The following SSRP1 variants were observed in gnomAD, a reference collection of about 807,000 sequenced individuals.
The protein encoded by SSRP1 is FACT complex subunit SSRP1.
SSRP1 carries 21 observed loss-of-function variants against 84.4 expected under a neutral mutation model. The observed-to-expected ratio is 0.25, with a 90% CI of 0.18 to 0.36. SSRP1 has a LOEUF of 0.36. SSRP1 is among the 10% of genes least tolerant of loss of function. The probability of loss-of-function intolerance (pLI) is 1.00; values close to 1 mark genes in which losing one functional copy is unlikely to be tolerated. For synonymous variants in SSRP1, 319 were observed against 318.3 expected, an observed-to-expected ratio of 1.00 and a Z score of -0.02; for missense variants, 519 against 900.8, an observed-to-expected ratio of 0.58 and a Z score of 5.43.
At chr11:57,328,510 G>C (rs1443016523) in intron 12 of SSRP1, 84 bp from the exon 13 acceptor site, 1 of 1,564,616 alleles carries the variant, frequency 6.4e-7, no homozygotes, top group Non-Finnish European at 8.6e-7. Context: ...CAAATCCAAA[G>C]ATACCCACCC....
chr11:57,328,193 A>C, intron 13 of SSRP1, 104 bp downstream of exon 13: 1 of 1,509,958 alleles, frequency 6.6e-7, no homozygotes, highest in Non-Finnish European at 8.9e-7. Flanking sequence ...AGCCCCAAGG[A>C]AGAACAGGTC....
chr11:57,327,754 C>T lies in SSRP1; in HGVS notation c.1740G>A (p.Lys580=). The change falls in exon 14 of 17, where the codon AAG becomes AAA. Residue 580 remains lysine, a synonymous_variant. Transcript: ENST00000278412. ...ACATTCCCTTCCAGATCTCGCCTGC[C>T]TTCTTGGAAAGATCCGTGATGCTGA... The part of the protein sequence containing the change: ...PGISITDLSK[K]AGEIWKGMSK... The T allele has an allele frequency of 3.7e-6, 6 of 1,614,166 alleles. No individual in the cohort carries two copies. Among genetic ancestry groups the T allele is most frequent in the Non-Finnish European group, 5.1e-6 (6 of 1,180,040 alleles).
intron 13 of SSRP1, among the ~76,000 whole-genome samples, 160 bp downstream of exon 13, chr11:57,328,137 T>G (rs1314762737): frequency 6.6e-6 from 1 of 152,122 alleles, no homozygotes. Flanking sequence ...GAGAAAAATT[T>G]CCAAGAAGAT....
At position 57,330,352 on chromosome 11, in the gene SSRP1, C is replaced by T. The variant is rs778638532; in HGVS notation, c.1374G>A (p.Glu458=). Residue 458 remains glutamate, a synonymous_variant, in exon 11 of 17, where the codon GAG becomes GAA. Transcript: ENST00000278412. The surrounding 1 kb of genome is among the most constrained non-coding windows in gnomAD (Gnocchi z 4.0). ...CATTCTCCTCCCGGATCTTGCCTTC[C>T]TCCTTCATCCTCTCCAAGTAGGCAT... The part of the protein sequence containing the change: ...QHDAYLERMK[E]EGKIREENAN... 1 of 1,614,204 alleles carries T rather than the reference C, an allele frequency of 6.2e-7. No individual in the cohort carries two copies. The highest frequency in any genetic ancestry group is 8.5e-7 in the Non-Finnish European group (1 of 1,180,050).
chr11:57,328,539 A>G (rs944842517), intron 12 of SSRP1, 113 bp from the exon 13 acceptor site: 107 of 1,440,522 alleles, frequency 7.4e-5, no homozygotes, highest in Non-Finnish European at 9.7e-5. Context: ...CAAGGGAGGA[A>G]GACCAGAGGA....
chr11:57,331,829 C>A lies in SSRP1; in HGVS notation c.1062G>T (p.Pro354=). The A allele has an allele frequency of 3.7e-6, 6 of 1,614,128 alleles. No individual in the cohort carries two copies. The highest frequency in any genetic ancestry group is 4.2e-6 in the Non-Finnish European group (5 of 1,180,002). The part of the protein sequence containing the change: ...SYKASSGLLY[P]LERGFIYVHK... ...GGACGTAGATGAAGCCCCGCTCCAG[C>A]GGGTAGAGCAGTCCTGAGCTTGCCT... Residue 354 remains proline (P), a synonymous_variant, in exon 9 of 17, where the codon CCG becomes CCT. Transcript: ENST00000278412.
rs542006597 is a variant in SSRP1, at chr11:57,335,094, C to T, written c.28G>A (p.Val10Ile). The T allele has an allele frequency of 6.6e-5, 107 of 1,614,128 alleles. No individual in the cohort carries two copies. The East Asian group carries it at 2.1e-3, about 32-fold the overall frequency. MAETLEFND[V>I]YQEVKGSMND... ...ATGGAACCTTTCACCTCCTGATAGA[C>T]GTCGTTGAACTCCAGTGTCTCTGCC... The change falls in exon 2 of 17, where the codon GTC becomes ATC. Residue 10 changes from valine (V) to isoleucine (I), a missense_variant. Around this residue, in one of 7 missense-constraint regions of SSRP1, gnomAD observed 88 missense variants for 122.0 expected, o/e 0.72. Transcript: ENST00000278412. This position sits in a 1 kb window ranked among gnomAD's most constrained non-coding sequence, Gnocchi z 4.6.
intron 12 of SSRP1, 141 bp from the exon 13 acceptor site, chr11:57,328,567 C>T: frequency 8.4e-7 from 1 of 1,185,224 alleles, no homozygotes; most frequent in Non-Finnish European, 1.2e-6. Flanking sequence ...CACCACCAAT[C>T]CCCAACACTG....
intron 12 of SSRP1, chr11:57,329,775 G>A (rs922110601): frequency 1.1e-5 from 5 of 444,200 alleles, no homozygotes; most frequent in Non-Finnish European, 1.2e-5. Context: ...TGACTTACTC[G>A]ACAACCCCCA....
At chr11:57,333,571 A>G (rs1362419712) in intron 3 of SSRP1, 31 bp from the exon 4 acceptor site, 2 of 1,555,568 alleles carry the variant, frequency 1.3e-6, no homozygotes, top group Admixed American at 1.7e-5. Flanking sequence ...GCACAATCCC[A>G]GTAAACCTTG....
At position 57,325,999 on chromosome 11, in the gene SSRP1, A is replaced by C. The variant is rs1565050070; in HGVS notation, c.*408T>G. 5.3e-6 allele frequency: 1 copy of C among 188,314 alleles called. No homozygotes were observed. The highest frequency in any genetic ancestry group is 5.4e-5 in the Admixed American group (1 of 18,608). 11.7% of individuals were successfully genotyped at this position (188,314 alleles called of 1,614,324 possible). A position where few individuals can be genotyped will look rare whatever the true frequency, so the allele number is the denominator to read the frequency against. On this transcript the variant is annotated 3_prime_UTR_variant, in exon 17 of 17. Transcript: ENST00000278412. ...GCATGAGGACATGGTTTCCAAAGTC[A>C]GTTCCCTTTATTAAATCATTTTCAC... is the stretch of plus-strand genomic sequence containing the variant.
In SSRP1 at chr11:57,326,827, C is replaced by G. The variant is rs769170471; in HGVS notation, c.1934G>C (p.Arg645Thr). ...VKMEKKSTPS[R>T]GSSSKSSSRQ... ...TGAGGACGACTTGGATGATGAGCCCCTAGAGGGCGTGGATTTCTTTTCCAT... is the reference window on the plus strand; with the variant it reads ...TGAGGACGACTTGGATGATGAGCCCGTAGAGGGCGTGGATTTCTTTTCCAT... The change falls in exon 16 of 17, where the codon AGG becomes ACG. Residue 645 changes from arginine (R) to threonine (T), a missense_variant. Physicochemically the swap from Arg to Thr is moderately conservative, Grantham distance 71. Transcript: ENST00000278412. The G allele has an allele frequency of 1.9e-6, 3 of 1,614,080 alleles. No individual in the cohort carries two copies. The highest frequency in any genetic ancestry group is 1.7e-6 in the Non-Finnish European group (2 of 1,180,034).
At position 57,326,696 on chromosome 11, in the gene SSRP1, G is replaced by T. The variant is rs753998487; in HGVS notation, c.2058+7C>A. The stretch of plus-strand genomic sequence containing the variant: ...CCCAGCCCACAGGCCCCACATTCCT[G>T]CCGCACCTCGCTCCTCCTCCTCTTC... On this transcript the variant is annotated splice_region_variant and intron_variant, in intron 16 of 16. Coordinates refer to ENST00000278412, the MANE Select transcript of SSRP1 (RefSeq NM_003146.3). The T allele has an allele frequency of 1.9e-6, 3 of 1,611,724 alleles. No homozygotes were observed. In the Admixed American group the frequency reaches 5.0e-5, roughly 27 times the overall value.
At chr11:57,327,006 T>C in intron 15 of SSRP1, 117 bp from the exon 16 acceptor site, 11 of 1,438,324 alleles carry the variant, frequency 7.6e-6, no homozygotes, top group Non-Finnish European at 1.0e-5. Context: ...CATTTCACTC[T>C]GAACGTAAAT....
In SSRP1 at chr11:57,332,252, G is replaced by A. The variant is rs772025027; in HGVS notation, c.901C>T (p.Arg301Trp). 2 of 1,613,798 alleles carry A rather than the reference G, an allele frequency of 1.2e-6. No homozygotes were observed. Among genetic ancestry groups the A allele is most frequent in the African/African-American group, 1.3e-5 (1 of 74,870 alleles). ...GATCCTGACATGTTCTTGGTGAGCC[G>A]ACCCTCAAAGCGCTTCTCCACTTCT... ...EEEVEKRFEG[R>W]LTKNMSGSLY... The change falls in exon 8 of 17, where the codon CGG becomes TGG. Residue 301 changes from arginine (R) to tryptophan (W), a missense_variant. Coordinates refer to ENST00000278412, the MANE Select transcript of SSRP1 (RefSeq NM_003146.3). The surrounding 1 kb of genome is among the most constrained non-coding windows in gnomAD (Gnocchi z 5.5).
chr11:57,331,003 A>G (rs373933907), intron 9 of SSRP1, 76 bp from the exon 10 acceptor site: 1 of 1,528,478 alleles, frequency 6.5e-7, no homozygotes, highest in Non-Finnish European at 9.1e-7. Flanking sequence ...TTCTGATTCC[A>G]TGAGCTGGGG....
chr11:57,326,909 G>A lies in SSRP1; in HGVS notation c.1872-20C>T, dbSNP rs1300459417. The A allele has an allele frequency of 1.9e-6, 3 of 1,565,402 alleles. No homozygotes were observed. The highest frequency in any genetic ancestry group is 1.9e-5 in the Admixed American group (1 of 52,654). ...TTGTCCCTGTATTGGCAAGAGGGAA[G>A]AGGAGCTGGGCCTTCAGGTCCCCTG... On this transcript the variant is annotated intron_variant, in intron 15 of 16. Transcript: ENST00000278412.
chr11:57,327,311 C>T, intron 15 of SSRP1, 115 bp downstream of exon 15: 1 of 1,082,198 alleles, frequency 9.2e-7, no homozygotes, highest in Non-Finnish European at 1.4e-6. Context: ...CACTACCCTA[C>T]TGCAGTCAGA....
intron 12 of SSRP1, chr11:57,329,511 C>T (rs765893633): frequency 1.4e-4 from 23 of 159,372 alleles, no homozygotes; most frequent in Non-Finnish European, 2.6e-4. Context: ...CTGAGAGTCA[C>T]TGGGCACCCC....
Sources: gnomAD v4.1 joint callset for allele counts (sites outside exome capture counted in the v4.1 genomes callset) on GRCh38, gnomAD v4.1.1 for gene constraint, gnomAD v4.1.1 regional missense constraint, Gnocchi (gnomAD v3.1) non-coding constraint, MANE v1.5 for transcripts, NCBI Gene and HGNC (gene_info 2026-07-23, HGNC 2026-07-21) for gene names.